Variants in FHIT observed in about 807,000 individuals in gnomAD.
The protein encoded by FHIT is fragile histidine triad diadenosine triphosphatase.
FHIT carries 19 observed loss-of-function variants against 17.9 expected under a neutral mutation model. The observed-to-expected ratio is 1.06, with a 90% CI of 0.74 to 1.56. The LOEUF (loss-of-function observed/expected upper bound fraction) is 1.56, where lower values mean the gene tolerates loss of function less well. FHIT is among the 40% of genes most tolerant of loss of function. The pLI is 0.00. For synonymous variants in FHIT, 81 were observed against 69.7 expected (o/e 1.16, Z -0.81); for missense variants, 248 against 189.2 (o/e 1.31, Z -1.82).
intron 5 of FHIT, among the ~76,000 whole-genome samples, chr3:60,525,568 C>A (rs866203864): frequency 6.6e-6 from 1 of 152,170 alleles, no homozygotes; most frequent in Non-Finnish European, 1.5e-5. Context: ...TATGTTGAAT[C>A]CCTTTCTGGC....
chr3:60,612,197 A>G (rs1388725340), intron 4 of FHIT, among the ~76,000 whole-genome samples: 2 of 152,208 alleles, frequency 1.3e-5, no homozygotes, highest in Non-Finnish European at 2.9e-5. Flanking sequence ...TATACAAAAG[A>G]AAAATGAGTC....
chr3:60,619,571 T>A (rs1259655941), intron 4 of FHIT, among the ~76,000 whole-genome samples: 1 of 119,702 alleles, frequency 8.4e-6, no homozygotes, highest in African/African-American at 3.3e-5. Context: ...TTTCCACAAA[T>A]GGATCTAGAA....
chr3:60,051,779 T>C (rs1375402165), intron 5 of FHIT, among the ~76,000 whole-genome samples: 1 of 152,136 alleles, frequency 6.6e-6, no homozygotes, highest in East Asian at 1.9e-4. Context: ...AGGATTCTAC[T>C]TGTGAGCAAG....
At chr3:60,987,161 T>C (rs1162777292) in intron 3 of FHIT, among the ~76,000 whole-genome samples, 1 of 152,186 alleles carries the variant, frequency 6.6e-6, no homozygotes, top group Non-Finnish European at 1.5e-5. Context: ...CATGATATAA[T>C]AGGCATCTCA....
chr3:60,700,361 A>C (rs139041475), intron 4 of FHIT, among the ~76,000 whole-genome samples: 1 of 152,172 alleles, frequency 6.6e-6, no homozygotes, highest in Non-Finnish European at 1.5e-5. Context: ...CAACGGTCTC[A>C]TATCGTTCCA....
intron 4 of FHIT, among the ~76,000 whole-genome samples, chr3:60,681,988 T>C (rs1156606894): frequency 1.3e-5 from 2 of 151,930 alleles, no homozygotes; most frequent in African/African-American, 4.8e-5. Flanking sequence ...TTTTTTTTTT[T>C]TGAAACATAG....
chr3:60,790,479 C>T (rs1700736653), intron 4 of FHIT, among the ~76,000 whole-genome samples: 1 of 152,148 alleles, frequency 6.6e-6, no homozygotes, highest in Non-Finnish European at 1.5e-5. Flanking sequence ...CAGTAGTCTC[C>T]TGAGTTATCA....
At chr3:59,808,990 CCCGGTG>C (rs1700310946) in intron 8 of FHIT, among the ~76,000 whole-genome samples, 1 of 152,066 alleles carries the variant, frequency 6.6e-6, no homozygotes, top group Admixed American at 6.6e-5. Context: ...GTATCATTTT[CCCGGTG>C]GTGATCATGG....
intron 3 of FHIT, among the ~76,000 whole-genome samples, chr3:61,031,026 G>A (rs1374126714): frequency 2.6e-5 from 4 of 152,138 alleles, no homozygotes; most frequent in Non-Finnish European, 4.4e-5. Context: ...TACATGAAAC[G>A]AAATAAGGGG....
intron 5 of FHIT, among the ~76,000 whole-genome samples, chr3:60,213,848 G>A (rs542006086): frequency 3.3e-5 from 5 of 152,186 alleles, no homozygotes; most frequent in African/African-American, 4.8e-5. Flanking sequence ...ACAAGGACAT[G>A]TCAATTTGAA....
At chr3:60,048,872 A>G (rs1701760528) in intron 5 of FHIT, among the ~76,000 whole-genome samples, 1 of 152,216 alleles carries the variant, frequency 6.6e-6, no homozygotes. Context: ...AAGATTTGAA[A>G]ACATGATTGT....
intron 5 of FHIT, among the ~76,000 whole-genome samples, chr3:60,201,513 A>G (rs1475704563): frequency 6.6e-6 from 1 of 152,078 alleles, no homozygotes; most frequent in East Asian, 1.9e-4. Context: ...ATCAGAAGAA[A>G]AGAATCATTT....
chr3:60,135,147 C>T (rs2107280039), intron 5 of FHIT, among the ~76,000 whole-genome samples: 1 of 152,124 alleles, frequency 6.6e-6, no homozygotes, highest in Non-Finnish European at 1.5e-5. Context: ...CTCAAAGGTG[C>T]AATGTTTTCA....
At chr3:60,112,955 T>G (rs1346792041) in intron 5 of FHIT, among the ~76,000 whole-genome samples, 1 of 152,194 alleles carries the variant, frequency 6.6e-6, no homozygotes, top group Non-Finnish European at 1.5e-5. Flanking sequence ...TGGAATGCTA[T>G]GGGCTGATTG....
At chr3:60,792,712 T>A (rs1700824902) in intron 4 of FHIT, among the ~76,000 whole-genome samples, 1 of 152,238 alleles carries the variant, frequency 6.6e-6, no homozygotes, top group Non-Finnish European at 1.5e-5. Flanking sequence ...TTTTTGGTAA[T>A]TCATTTGCCC....
chr3:60,175,226 C>T lies in FHIT; in HGVS notation c.104-161074G>A, dbSNP rs534613008. Among the ~76,000 whole-genome samples, 28 of 152,336 alleles carry T rather than the reference C, an allele frequency of 1.8e-4. 2 individuals carry two copies. In the South Asian group the frequency reaches 5.6e-3, roughly 30 times the overall value. The stretch of plus-strand genomic sequence containing the variant: ...CTTTAGAATCTAGATAACCAGGACA[C>T]AGTACACTGAATGTCTACTCCTAAT... On this transcript the variant is annotated intron_variant, in intron 5 of 9. Transcript: ENST00000492590.
chr3:61,203,619 G>C (rs139220664), intron 1 of FHIT, among the ~76,000 whole-genome samples: 1 of 152,040 alleles, frequency 6.6e-6, no homozygotes, highest in Non-Finnish European at 1.5e-5. Flanking sequence ...TAAGTAATGG[G>C]TATTGATTAA....
At chr3:60,864,004 C>A (rs1704045005) in intron 3 of FHIT, among the ~76,000 whole-genome samples, 1 of 152,104 alleles carries the variant, frequency 6.6e-6, no homozygotes, top group African/African-American at 2.4e-5. Context: ...TTCCACATGG[C>A]TGAGAAGACC....
At chr3:60,549,851 T>G (rs2107621527) in intron 4 of FHIT, among the ~76,000 whole-genome samples, 1 of 152,322 alleles carries the variant, frequency 6.6e-6, no homozygotes, top group South Asian at 2.1e-4. Context: ...AGTTGTTATT[T>G]CATTATGGCC....
Sources: gnomAD v4.1 joint callset for allele counts (sites outside exome capture counted in the v4.1 genomes callset) on GRCh38, gnomAD v4.1.1 for gene constraint, MANE v1.5 for transcripts, NCBI Gene and HGNC (gene_info 2026-07-23, HGNC 2026-07-21) for gene names.